Variants in TTC34 observed in about 807,000 individuals in gnomAD.
The protein encoded by TTC34 is tetratricopeptide repeat protein 34.
A neutral mutation model predicts 40.7 loss-of-function variants in TTC34; 44 were observed. The observed-to-expected ratio is 1.08, with a 90% CI of 0.85 to 1.39. The LOEUF (loss-of-function observed/expected upper bound fraction) is 1.39, where lower values mean the gene tolerates loss of function less well. Among genes scored for constraint, TTC34 ranks in the 40% most tolerant of loss-of-function variants. TTC34 has a pLI of 0.00. For missense variants in TTC34, 884 were observed against 838.0 expected (o/e 1.05, Z -0.68); for synonymous variants, 422 against 398.6 (o/e 1.06, Z -0.70).
At chr1:2,758,170 G>T (rs1338878966) in intron 6 of TTC34, among the ~76,000 whole-genome samples, 74 of 124,450 alleles carry the variant, frequency 5.9e-4, no homozygotes, top group Non-Finnish European at 7.9e-4. Context: ...GTGAGCATCT[G>T]ACAGCCTGGA....
chr1:2,767,951 A>T (rs1178946217), intron 6 of TTC34, among the ~76,000 whole-genome samples: 2 of 149,144 alleles, frequency 1.3e-5, no homozygotes, highest in Non-Finnish European at 3.0e-5. Flanking sequence ...ATCCGATGGC[A>T]TGGAACAGCA....
chr1:2,699,500 G>C (rs557938134), intron 6 of TTC34, among the ~76,000 whole-genome samples: 6 of 118,422 alleles, frequency 5.1e-5, no homozygotes, highest in African/African-American at 1.7e-4. Flanking sequence ...ACACACCCAG[G>C]CGAGAATCTG....
At chr1:2,772,968 G>C (rs1642502493) in intron 6 of TTC34, among the ~76,000 whole-genome samples, 1 of 128,482 alleles carries the variant, frequency 7.8e-6, no homozygotes, top group African/African-American at 2.9e-5. Flanking sequence ...GCCTGGAGCA[G>C]CATGCACACC....
intron 6 of TTC34, among the ~76,000 whole-genome samples, chr1:2,673,416 GT>G (rs1557598523): frequency 5.0e-5 from 4 of 80,452 alleles, no homozygotes. Context: ...GCATCTGATG[GT>G]TTGCGGCAAC....
At chr1:2,683,476 C>T (rs1043269658) in intron 6 of TTC34, among the ~76,000 whole-genome samples, 1 of 142,844 alleles carries the variant, frequency 7.0e-6, no homozygotes, top group South Asian at 2.2e-4. Flanking sequence ...CCCACACCAC[C>T]AGGCGAGCAT....
At chr1:2,687,761 C>CCA (rs1640431232) in intron 6 of TTC34, among the ~76,000 whole-genome samples, 1 of 151,066 alleles carries the variant, frequency 6.6e-6, no homozygotes, top group African/African-American at 2.5e-5. Context: ...GGAGCAGAAC[C>CCA]CACACCCTGA....
At chr1:2,677,021 C>T in intron 6 of TTC34, among the ~76,000 whole-genome samples, 2 of 75,058 alleles carry the variant, frequency 2.7e-5, no homozygotes, top group Non-Finnish European at 5.8e-5. Flanking sequence ...CCCAGGCCAG[C>T]ATCCGATAAC....
At chr1:2,675,283 A>AGCATCTGACAG (rs1639863385) in intron 6 of TTC34, among the ~76,000 whole-genome samples, 1 of 60,708 alleles carries the variant, frequency 1.6e-5, no homozygotes, top group Non-Finnish European at 4.0e-5. Context: ...ACCCCACATC[A>AGCATCTGACAG]CCGGGTGAGC....
intron 4 of TTC34, among the ~76,000 whole-genome samples, chr1:2,787,159 T>G (rs1643601338): frequency 6.6e-6 from 1 of 152,202 alleles, no homozygotes; most frequent in Non-Finnish European, 1.5e-5. Flanking sequence ...AAGCTCGGCC[T>G]GCAGTCGGTT....
At chr1:2,767,393 C>G (rs1641800121) in intron 6 of TTC34, among the ~76,000 whole-genome samples, 119 of 138,262 alleles carry the variant, frequency 8.6e-4, no homozygotes, top group Non-Finnish European at 2.4e-4. Context: ...CCTGGAGCAG[C>G]ACCCACACCC....
At chr1:2,755,866 T>A (rs1408695875) in intron 6 of TTC34, among the ~76,000 whole-genome samples, 2 of 29,132 alleles carry the variant, frequency 6.9e-5, no homozygotes, top group Non-Finnish European at 1.0e-4. Flanking sequence ...ACCCACACAC[T>A]CACGCGAGCA....
intron 6 of TTC34, among the ~76,000 whole-genome samples, chr1:2,688,550 C>T (rs1391854165): frequency 7.7e-6 from 1 of 130,306 alleles, no homozygotes; most frequent in East Asian, 2.4e-4. Flanking sequence ...AGCACCTGAA[C>T]CCACGGAGCA....
Position 2,785,812 on chromosome 1 carries a change from CTCCTACCT to C in TTC34, c.2058_2059+6del, listed in dbSNP as rs1311525823. 2.6e-6 allele frequency: 4 copies of C among 1,543,392 alleles called. No individual in the cohort carries two copies. The highest frequency in any genetic ancestry group is 2.0e-5 in the Admixed American group (1 of 50,494). On this transcript the variant is annotated splice_donor_variant and splice_donor_5th_base_variant and coding_sequence_variant and intron_variant, in exon 5 of 9. Coordinates refer to ENST00000401095, the Ensembl canonical transcript of TTC34. LOFTEE classifies it high-confidence loss of function. Reference sequence around the variant, plus strand: ...CTGGGCCCTGGGGGCAGGTGGGCAGCTCCTACCTGCGGCAAAGATGGCCAGAGACAGGT... The same window carrying C: ...CTGGGCCCTGGGGGCAGGTGGGCAGCGCGGCAAAGATGGCCAGAGACAGGT...
intron 6 of TTC34, among the ~76,000 whole-genome samples, chr1:2,654,606 C>T (rs1639273941): frequency 1.3e-5 from 2 of 152,380 alleles, no homozygotes; most frequent in South Asian, 4.1e-4. Flanking sequence ...TGAAACAGCT[C>T]CCACACCCCC....
intron 6 of TTC34, among the ~76,000 whole-genome samples, chr1:2,780,664 T>C (rs554212861): frequency 3.3e-5 from 5 of 152,340 alleles, no homozygotes; most frequent in African/African-American, 1.2e-4. Context: ...TGTAGCTTTG[T>C]AGTAAGTTTT....
rs1194665736 is a variant in TTC34 at position 2,752,296 on chromosome 1, G to A, written c.2226+31313C>T. ...CCTGGAACAGCACCTTGCACCCCCA[G>A]GGGAGCATCTGACAGCCTGGAACAG... On this transcript the variant is annotated intron_variant, in intron 6 of 8. Transcript: ENST00000401095. Among the ~76,000 whole-genome samples, 3 of 117,460 alleles carry A rather than the reference G, an allele frequency of 2.6e-5. 1 individual carries two copies. The highest frequency in any genetic ancestry group is 5.1e-5 in the Non-Finnish European group (3 of 58,744). 77.1% of individuals were successfully genotyped at this position (117,460 alleles called of 152,430 possible).
rs1294528657 is a variant in TTC34, at chr1:2,796,389, C to T, written c.784+3655G>A. Reference sequence around the variant, plus strand: ...CTTCTCATCGTAAGCCATGCTTGTGCTGGTGCTGGCGATGTGGGGAGTCCC... The same window carrying T: ...CTTCTCATCGTAAGCCATGCTTGTGTTGGTGCTGGCGATGTGGGGAGTCCC... On this transcript the variant is annotated intron_variant, in intron 2 of 8. Coordinates refer to ENST00000401095, the Ensembl canonical transcript of TTC34. This position sits in a 1 kb window ranked among gnomAD's most constrained non-coding sequence, Gnocchi z 4.5. Among the ~76,000 whole-genome samples the T allele has an allele frequency of 6.6e-6, 1 of 152,214 alleles. No homozygotes were observed. The highest frequency in any genetic ancestry group is 1.5e-5 in the Non-Finnish European group (1 of 68,034).
exon 3 of TTC34, chr1:2,790,112 G>C (rs1400173685): frequency 2.5e-6 from 1 of 398,106 alleles, no homozygotes; most frequent in African/African-American, 2.1e-5. Flanking sequence ...GCGGAGCTCA[G>C]GGTGGTTCCG....
At chr1:2,769,883 G>A (rs1642013981) in intron 6 of TTC34, among the ~76,000 whole-genome samples, 2 of 78,830 alleles carry the variant, frequency 2.5e-5, no homozygotes, top group Admixed American at 2.7e-4. Context: ...CCCCAGTTGA[G>A]TAGCTGACAT....
Sources: allele counts gnomAD v4.1 joint callset (sites outside exome capture counted in the v4.1 genomes callset), GRCh38; gene constraint gnomAD v4.1.1; non-coding constraint Gnocchi (gnomAD v3.1); transcripts MANE v1.5; gene names NCBI Gene and HGNC (gene_info 2026-07-23, HGNC 2026-07-21).